TANGO2: variants seen among roughly 807,000 people sequenced by gnomAD.
The protein encoded by TANGO2 is transport and golgi organization 2 homolog.
A neutral mutation model predicts 39.1 loss-of-function variants in TANGO2; 26 were observed. The ratio of observed to expected loss-of-function variants is 0.67; its 90% CI spans 0.49 to 0.92. The LOEUF (loss-of-function observed/expected upper bound fraction) is 0.92. Among genes scored for constraint, TANGO2 ranks in the 40% least tolerant of loss-of-function variants. The pLI is 0.00. For synonymous variants in TANGO2, 131 were observed against 144.5 expected (o/e 0.91, Z 0.67); for missense variants, 326 against 360.1 (o/e 0.91, Z 0.77).
intron 7 of TANGO2, among the ~76,000 whole-genome samples, chr22:20,062,503 G>A (rs997853814): frequency 2.0e-5 from 3 of 152,168 alleles, no homozygotes; most frequent in Admixed American, 6.5e-5. Flanking sequence ...AGGCGGCCTC[G>A]TCCTTCAGCC....
intron 3 of TANGO2, among the ~76,000 whole-genome samples, chr22:20,049,792 G>A (rs405342): frequency 0.3 from 44,858 of 151,936 alleles, 7,644 homozygotes; most frequent in East Asian, 0.66. Context: ...GCTATAAAAC[G>A]AAAAGCCCCC....
intron 3 of TANGO2, among the ~76,000 whole-genome samples, chr22:20,049,702 G>T (rs919869093): frequency 3.3e-5 from 5 of 152,010 alleles, no homozygotes; most frequent in Non-Finnish European, 7.4e-5. Flanking sequence ...GGCAATGTGG[G>T]TCTGCCTTCT....
At position 20,048,991 on chromosome 22, in the gene TANGO2, G is replaced by A. The variant is rs78882292; in HGVS notation, c.146-3474G>A. On this transcript the variant is annotated intron_variant, in intron 3 of 8. Transcript: ENST00000327374. ...GTACAGTTTATCTTATCTTTTATGA[G>A]TTGTTCTTTTTGTGCCTTATCCAAA... is the stretch of plus-strand genomic sequence containing the variant. 7.0e-3 allele frequency among the ~76,000 whole-genome samples: 1,067 copies of A among 152,262 alleles called. 15 individuals carry two copies. Among genetic ancestry groups the A allele is most frequent in the African/African-American group, 0.024 (992 of 41,556 alleles).
intron 1 of TANGO2, among the ~76,000 whole-genome samples, chr22:20,024,450 T>A (rs917906893): frequency 7.2e-5 from 11 of 152,292 alleles, no homozygotes; most frequent in Middle Eastern, 3.4e-3. Context: ...GTGTCTGCCT[T>A]TGAAAAGAGC....
chr22:20,052,257 C>T (rs546395168), intron 3 of TANGO2, among the ~76,000 whole-genome samples: 2 of 152,360 alleles, frequency 1.3e-5, no homozygotes, highest in East Asian at 3.9e-4. Flanking sequence ...ATCTCACTTG[C>T]ACGACCCATG....
At chr22:20,063,011 G>A (rs1034438990) in intron 7 of TANGO2, 5 of 279,284 alleles carry the variant, frequency 1.8e-5, no homozygotes, top group East Asian at 6.7e-5. Context: ...CCCAGCTGAC[G>A]GCTGGAGCCC....
intron 1 of TANGO2, among the ~76,000 whole-genome samples, chr22:20,034,541 G>A (rs1289048366): frequency 1.3e-5 from 2 of 152,150 alleles, no homozygotes; most frequent in East Asian, 3.8e-4. Context: ...TGGCTTGTGG[G>A]TCCTTGTACC....
intron 1 of TANGO2, among the ~76,000 whole-genome samples, chr22:20,022,058 A>C (rs1156664015): frequency 1.3e-5 from 2 of 152,204 alleles, no homozygotes; most frequent in African/African-American, 4.8e-5. Context: ...CTCTTCCATG[A>C]GGCAGATGTG....
intron 4 of TANGO2, among the ~76,000 whole-genome samples, chr22:20,052,853 GC>G (rs1426301381): frequency 5.9e-5 from 9 of 152,298 alleles, no homozygotes; most frequent in Admixed American, 3.9e-4. Flanking sequence ...GGGAAGCTGG[GC>G]CCCGTGGCAG....
intron 3 of TANGO2, among the ~76,000 whole-genome samples, chr22:20,045,646 G>A (rs1162336798): frequency 6.6e-6 from 1 of 151,704 alleles, no homozygotes; most frequent in Non-Finnish European, 1.5e-5. Context: ...TGGGATTACA[G>A]GCATGCACCA....
intron 6 of TANGO2, 176 bp downstream of exon 6, chr22:20,056,189 C>T (rs1177170803): frequency 2.8e-6 from 2 of 704,950 alleles, no homozygotes; most frequent in South Asian, 3.0e-5. Context: ...TTCAGAGAGC[C>T]CTGGCTCCCT....
rs2048935726 is a variant in TANGO2, at chr22:20,064,404, GCTCT to G, written c.711-135_711-132del. 5.7e-6 allele frequency: 6 copies of G among 1,054,576 alleles called. No individual in the cohort carries two copies. In the South Asian group the frequency reaches 9.1e-5, roughly 16 times the overall value. The allele number at this position is 1,054,576 out of a possible 1,614,324, so 65.3% of individuals were successfully genotyped here. On this transcript the variant is annotated intron_variant, in intron 8 of 8. Coordinates refer to ENST00000327374, the MANE Select transcript of TANGO2 (RefSeq NM_152906.7). The stretch of plus-strand genomic sequence containing the variant: ...CATCATCCCCAAGACTGAGGCTGCT[GCTCT>G]CTGTGACTTGGCACAGCCTCCAGGC...
intron 1 of TANGO2, chr22:20,033,323 G>C (rs1265683906): frequency 7.2e-6 from 3 of 418,510 alleles, no homozygotes; most frequent in Non-Finnish European, 4.7e-6. Context: ...GGACCATGGA[G>C]CCCTCCCTGC....
At chr22:20,042,759 C>T (rs1396165817) in intron 2 of TANGO2, among the ~76,000 whole-genome samples, 3 of 152,062 alleles carry the variant, frequency 2.0e-5, no homozygotes, top group Admixed American at 1.3e-4. Context: ...AGAGAGACTC[C>T]ATCTCAAAAA....
At chr22:20,043,578 C>T (rs980335095) in intron 3 of TANGO2, 135 bp downstream of exon 3, 1 of 638,546 alleles carries the variant, frequency 1.6e-6, no homozygotes, top group South Asian at 2.1e-5. Context: ...TGATGGGGCT[C>T]GTGGTCGGGG....
At chr22:20,042,910 A>C (rs2044244875) in intron 2 of TANGO2, among the ~76,000 whole-genome samples, 1 of 152,226 alleles carries the variant, frequency 6.6e-6, no homozygotes, top group South Asian at 2.1e-4. Flanking sequence ...TCAGAGGCCC[A>C]CATGCTGTGC....
At chr22:20,020,522 G>A (rs529250102), upstream of TANGO2, among the ~76,000 whole-genome samples, 3 of 152,092 alleles carry the variant, frequency 2.0e-5, no homozygotes, top group South Asian at 2.1e-4. Flanking sequence ...GGGTGGAAGT[G>A]GGGGAGGTGG....
At chr22:20,017,101 C>G (rs1224631753), upstream of TANGO2, 1 of 152,204 alleles carries the variant, frequency 6.6e-6, no homozygotes, top group South Asian at 2.1e-4. Flanking sequence ...GAACATCCCC[C>G]GACCATCCAG....
Position 20,064,443 on chromosome 22 carries a change from C to T in TANGO2, c.711-99C>T. On this transcript the variant is annotated intron_variant, in intron 8 of 8. Coordinates refer to ENST00000327374, the MANE Select transcript of TANGO2 (RefSeq NM_152906.7). Reference sequence around the variant, plus strand: ...GGCACAGCCTCCAGGCATGGGGTTCCTAACTCTACCTGCCTGCATTCTTGC... The same window carrying T: ...GGCACAGCCTCCAGGCATGGGGTTCTTAACTCTACCTGCCTGCATTCTTGC... 2.7e-6 allele frequency: 4 copies of T among 1,501,778 alleles called. 1 individual carries two copies. The South Asian group carries it at 4.9e-5, about 18-fold the overall frequency. 93.0% of individuals were successfully genotyped at this position (1,501,778 alleles called of 1,614,324 possible). A position where few individuals can be genotyped will look rare whatever the true frequency, so the allele number is the denominator to read the frequency against.
Sources: allele counts gnomAD v4.1 joint callset (sites outside exome capture counted in the v4.1 genomes callset), GRCh38; gene constraint gnomAD v4.1.1; transcripts MANE v1.5; gene names NCBI Gene and HGNC (gene_info 2026-07-23, HGNC 2026-07-21).